Variants in LRFN2 observed in about 807,000 individuals in gnomAD.
The protein encoded by LRFN2 is leucine rich repeat and fibronectin type III domain containing 2, also known as leucine-rich repeat and fibronectin type-III domain-containing protein 2.
In LRFN2, 18 loss-of-function variants were observed where a neutral mutation model predicts 37.3. The ratio of observed to expected loss-of-function variants is 0.48; its 90% confidence interval spans 0.33 to 0.72. The LOEUF is 0.72. LRFN2 is among the 30% of genes least tolerant of loss of function. LRFN2 has a pLI of 0.02. For synonymous variants in LRFN2, 556 were observed against 466.6 expected (o/e 1.19, Z -2.47); for missense variants, 1,006 against 1,060.7 (o/e 0.95, Z 0.72).
intron 1 of LRFN2, among the ~76,000 whole-genome samples, chr6:40,435,052 T>TATATATAGAGAGAGAG (rs1482968698): frequency 8.0e-5 from 3 of 37,540 alleles, no homozygotes; most frequent in East Asian, 8.7e-4. Flanking sequence ...TATATATATA[T>TATATATAGAGAGAGAG]AGAGAGAGAG....
intron 2 of LRFN2, among the ~76,000 whole-genome samples, chr6:40,413,615 A>G (rs185916808): frequency 9.2e-4 from 140 of 152,310 alleles, no homozygotes; most frequent in Middle Eastern, 3.4e-3. Flanking sequence ...ACTCCAGGAC[A>G]TGGCCATCAT....
At chr6:40,495,939 A>C (rs1765214758) in intron 1 of LRFN2, among the ~76,000 whole-genome samples, 1 of 152,010 alleles carries the variant, frequency 6.6e-6, no homozygotes, top group South Asian at 2.1e-4. Context: ...TGCCACCTCC[A>C]CTTGGATATC....
At chr6:40,473,926 C>A (rs1055621290) in intron 1 of LRFN2, among the ~76,000 whole-genome samples, 1 of 152,206 alleles carries the variant, frequency 6.6e-6, no homozygotes, top group Non-Finnish European at 1.5e-5. Flanking sequence ...ACCCACCATG[C>A]CCTTAACCAC....
intron 2 of LRFN2, among the ~76,000 whole-genome samples, chr6:40,424,712 G>T (rs1763309268): frequency 1.3e-5 from 2 of 152,056 alleles, no homozygotes; most frequent in African/African-American, 4.8e-5. Context: ...TGCCTGTGGG[G>T]ACTCAACCCA....
intron 1 of LRFN2, among the ~76,000 whole-genome samples, chr6:40,541,675 G>T (rs745997835): frequency 5.3e-5 from 8 of 152,142 alleles, no homozygotes; most frequent in Non-Finnish European, 1.0e-4. Context: ...CAGATCATTG[G>T]CACGCTCCCA....
intron 1 of LRFN2, among the ~76,000 whole-genome samples, chr6:40,552,637 A>T (rs1196376442): frequency 6.6e-6 from 1 of 152,162 alleles, no homozygotes; most frequent in African/African-American, 2.4e-5. Flanking sequence ...AATATAAAAC[A>T]TCAGTCACTA....
intron 1 of LRFN2, among the ~76,000 whole-genome samples, chr6:40,491,028 G>C (rs947252752): frequency 1.3e-5 from 2 of 152,222 alleles, no homozygotes; most frequent in Non-Finnish European, 2.9e-5. Flanking sequence ...GTGAGGGGGA[G>C]GAGGAAGACA....
intron 2 of LRFN2, among the ~76,000 whole-genome samples, chr6:40,422,678 C>A (rs1418824397): frequency 6.6e-6 from 1 of 152,148 alleles, no homozygotes; most frequent in Non-Finnish European, 1.5e-5. Flanking sequence ...TTGATGGCCA[C>A]CACTACAGCA....
chr6:40,577,974 G>T (rs1050468703), intron 1 of LRFN2, among the ~76,000 whole-genome samples: 2 of 151,830 alleles, frequency 1.3e-5, no homozygotes, highest in South Asian at 2.1e-4. Context: ...GAATCAGAAG[G>T]TTCCCAATCC....
chr6:40,492,231 G>T (rs1342038800), intron 1 of LRFN2, among the ~76,000 whole-genome samples: 1 of 152,202 alleles, frequency 6.6e-6, no homozygotes, highest in Non-Finnish European at 1.5e-5. Flanking sequence ...TTTCCTACAT[G>T]AAAGAGCCCT....
rs766395317 is a variant in LRFN2, at chr6:40,432,041, G to A, written c.1073C>T (p.Thr358Ile). 5 of 1,614,034 alleles carry A rather than the reference G, an allele frequency of 3.1e-6. No individual in the cohort carries two copies. Among genetic ancestry groups the A allele is most frequent in the Non-Finnish European group, 4.2e-6 (5 of 1,180,020 alleles). The change falls in exon 2 of 3, where the codon ACC becomes ATC. Residue 358 changes from threonine (T) to isoleucine (I), a missense_variant. Transcript: ENST00000338305. ...TCCGGCAGCATTGGCAGCAATGCAG[G>A]TGAAGGCACCACTGTCCTGAGATGT... ...ITTSQDSGAF[T>I]CIAANAAGEA...
intron 1 of LRFN2, among the ~76,000 whole-genome samples, chr6:40,582,905 G>C (rs1410065848): frequency 3.3e-5 from 5 of 152,094 alleles, no homozygotes; most frequent in Non-Finnish European, 5.9e-5. Context: ...CTCCCATCTT[G>C]ATAAAATGGA....
intron 1 of LRFN2, among the ~76,000 whole-genome samples, chr6:40,573,651 T>G (rs989317629): frequency 6.6e-6 from 1 of 152,146 alleles, no homozygotes; most frequent in African/African-American, 2.4e-5. Context: ...GCCCAACTCA[T>G]CCTAGTTGGC....
At chr6:40,397,030 T>A (rs534449102) in intron 2 of LRFN2, among the ~76,000 whole-genome samples, 1 of 152,068 alleles carries the variant, frequency 6.6e-6, no homozygotes, top group Admixed American at 6.5e-5. Flanking sequence ...CCAGAACAGG[T>A]CCATTGCATC....
At chr6:40,542,189 A>G (rs916243125) in intron 1 of LRFN2, among the ~76,000 whole-genome samples, 2 of 152,196 alleles carry the variant, frequency 1.3e-5, no homozygotes, top group Admixed American at 6.5e-5. Flanking sequence ...CAACTCTGAC[A>G]TGAGAAGCAA....
At chr6:40,578,356 C>A (rs1417518) in intron 1 of LRFN2, among the ~76,000 whole-genome samples, 70 of 152,112 alleles carry the variant, frequency 4.6e-4, no homozygotes, top group African/African-American at 1.6e-3. Flanking sequence ...AAAACCCTCT[C>A]CTCCAAGATT....
In LRFN2 at chr6:40,515,773, A is replaced by T. The variant is rs117782098; in HGVS notation, c.-19+71168T>A. On this transcript the variant is annotated intron_variant, in intron 1 of 2. Coordinates refer to ENST00000338305, the MANE Select transcript of LRFN2 (RefSeq NM_020737.3). The stretch of plus-strand genomic sequence containing the variant: ...CCAGGCGTGGTGCCATGTGACTGTA[A>T]TCCCAGGTACTCGGGAGGCTGAGGC... Among the ~76,000 whole-genome samples, 575 of 151,926 alleles carry T rather than the reference A, an allele frequency of 3.8e-3. 11 individuals are homozygous for T. In the East Asian group the frequency reaches 0.056, roughly 15 times the overall value.
At position 40,392,900 on chromosome 6, in the gene LRFN2, G is replaced by C; in HGVS notation, c.1413C>G (p.Ala471=). ...DEVLIYRMIP[A]SNKAFVVNNL... is the part of the protein sequence containing the mutation. The stretch of plus-strand genomic sequence containing the variant: ...TGTTGACCACGAAGGCCTTGTTGGA[G>C]GCTGGGATCATCCTGGGGAGGGAGG... Residue 471 remains alanine (A), a synonymous_variant, in exon 3 of 3, where the codon GCC becomes GCG. Coordinates refer to ENST00000338305, the MANE Select transcript of LRFN2 (RefSeq NM_020737.3). The surrounding 1 kb of genome is among the most constrained non-coding windows in gnomAD (Gnocchi z 4.7). The C allele has an allele frequency of 6.2e-7, 1 of 1,609,102 alleles. No homozygotes were observed. The highest frequency in any genetic ancestry group is 1.3e-5 in the African/African-American group (1 of 75,012).
At chr6:40,473,002 C>T (rs542650967) in intron 1 of LRFN2, among the ~76,000 whole-genome samples, 8 of 152,182 alleles carry the variant, frequency 5.3e-5, no homozygotes, top group African/African-American at 9.6e-5. Flanking sequence ...TCTCATTGGG[C>T]GAGATGCTGG....
Sources: gnomAD v4.1 joint callset for allele counts (sites outside exome capture counted in the v4.1 genomes callset) on GRCh38, gnomAD v4.1.1 for gene constraint, Gnocchi (gnomAD v3.1) non-coding constraint, MANE v1.5 for transcripts, NCBI Gene and HGNC (gene_info 2026-07-23, HGNC 2026-07-21) for gene names.